Variants in POU2F3 observed in about 807,000 individuals in gnomAD.
POU2F3 encodes POU class 2 homeobox 3.
Under a neutral mutation model 59.2 loss-of-function variants are expected in POU2F3, and 23 were observed. The observed-to-expected ratio is 0.39, with a 90% CI of 0.28 to 0.55. The LOEUF (loss-of-function observed/expected upper bound fraction) is 0.55. POU2F3 is among the 20% of genes least tolerant of loss of function. The probability of loss-of-function intolerance (pLI) is 0.66; values close to 1 mark genes in which losing one functional copy is unlikely to be tolerated. For missense variants in POU2F3, 473 were observed against 544.5 expected, an observed-to-expected ratio of 0.87 and a Z score of 1.31; for synonymous variants, 190 against 214.6, an observed-to-expected ratio of 0.89 and a Z score of 1.00.
In POU2F3 at chr11:120,315,352, G is replaced by T. The variant is rs772284780; in HGVS notation, c.1069-9G>T. 6.2e-7 allele frequency: 1 copy of T among 1,610,104 alleles called. No homozygotes were observed. Among genetic ancestry groups the T allele is most frequent in the South Asian group, 1.1e-5 (1 of 90,968 alleles). ...AAATGGACATTTACAAGCTTCTGTT[G>T]TTTTTCAGGTATCTCCCTCAGGGTC... On this transcript the variant is annotated splice_polypyrimidine_tract_variant and intron_variant, in intron 10 of 12. Coordinates refer to ENST00000543440, the MANE Select transcript of POU2F3 (RefSeq NM_014352.4).
chr11:120,269,135 T>C, intron 2 of POU2F3, 75 bp from the exon 3 acceptor site: 2 of 1,209,662 alleles, frequency 1.7e-6, no homozygotes, highest in Non-Finnish European at 2.4e-6. Flanking sequence ...CCTCTCAACA[T>C]CCTAGTTTTT....
intron 3 of POU2F3, 26 bp downstream of exon 3, chr11:120,269,270 G>T: frequency 6.4e-7 from 1 of 1,557,424 alleles, no homozygotes; most frequent in South Asian, 1.1e-5. Flanking sequence ...AGAAAGAAAC[G>T]TTTATTCTAT....
chr11:120,318,016 G>C (rs1941832432), intron 12 of POU2F3, among the ~76,000 whole-genome samples: 1 of 152,188 alleles, frequency 6.6e-6, no homozygotes, highest in Non-Finnish European at 1.5e-5. Flanking sequence ...AAGGCAGCCA[G>C]TTCTTATTGG....
At chr11:120,254,803 C>G (rs2135151658) in intron 2 of POU2F3, 1 of 152,238 alleles carries the variant, frequency 6.6e-6, no homozygotes. Context: ...CTTCAGACAC[C>G]AAGAGTTCAA....
chr11:120,248,495 G>T (rs1938960804), intron 2 of POU2F3, among the ~76,000 whole-genome samples: 1 of 152,206 alleles, frequency 6.6e-6, no homozygotes, highest in Non-Finnish European at 1.5e-5. Context: ...GGAATATACA[G>T]ATGGGCATCG....
chr11:120,245,233 C>A (rs559905724), intron 1 of POU2F3, among the ~76,000 whole-genome samples: 6 of 152,204 alleles, frequency 3.9e-5, no homozygotes, highest in African/African-American at 1.4e-4. Flanking sequence ...TCGGCCGGAG[C>A]CACACACGTT....
chr11:120,294,135 T>A (rs188928168), intron 3 of POU2F3, among the ~76,000 whole-genome samples: 34 of 152,302 alleles, frequency 2.2e-4, no homozygotes, highest in Admixed American at 4.6e-4. Flanking sequence ...CTGAAGTAAG[T>A]GATGTCAGAG....
intron 1 of POU2F3, among the ~76,000 whole-genome samples, chr11:120,243,324 C>T (rs1938745955): frequency 6.6e-6 from 1 of 152,126 alleles, no homozygotes; most frequent in Non-Finnish European, 1.5e-5. Context: ...CCCAGAGTAG[C>T]CTGGTCCCAG....
intron 11 of POU2F3, 107 bp from the exon 12 acceptor site, chr11:120,317,122 T>A: frequency 1.5e-6 from 2 of 1,358,364 alleles, no homozygotes; most frequent in East Asian, 2.3e-5. Context: ...GAGGGTGAGG[T>A]CCCTTTGGGG....
chr11:120,236,706 G>A (rs539846719), upstream of POU2F3: 64 of 1,490,410 alleles, frequency 4.3e-5, no homozygotes, highest in East Asian at 1.1e-3. Context: ...AAGGAGGAAG[G>A]GGTAAAGGAG....
chr11:120,317,423 C>T, intron 12 of POU2F3, 59 bp downstream of exon 12: 1 of 1,597,338 alleles, frequency 6.3e-7, no homozygotes. Flanking sequence ...ATGTGAGAAG[C>T]TGAGCCTATG....
intron 12 of POU2F3, 34 bp downstream of exon 12, chr11:120,317,398 G>C: frequency 6.2e-7 from 1 of 1,612,538 alleles, no homozygotes; most frequent in Non-Finnish European, 8.5e-7. Flanking sequence ...AGACATCCCA[G>C]CAGGGCCAAG....
At chr11:120,317,452 G>T in intron 12 of POU2F3, 88 bp downstream of exon 12, 1 of 1,546,200 alleles carries the variant, frequency 6.5e-7, no homozygotes, top group Non-Finnish European at 8.9e-7. Flanking sequence ...AAGAAAGCTT[G>T]TCATAGAAAG....
chr11:120,264,234 A>AC (rs1355225080), intron 2 of POU2F3, among the ~76,000 whole-genome samples: 1 of 115,106 alleles, frequency 8.7e-6, no homozygotes, highest in Non-Finnish European at 1.9e-5. Flanking sequence ...CACACACACA[A>AC]TTAGCTGAGC....
intron 10 of POU2F3, among the ~76,000 whole-genome samples, chr11:120,314,155 C>T (rs1015528573): frequency 1.3e-5 from 2 of 152,204 alleles, no homozygotes; most frequent in African/African-American, 4.8e-5. Flanking sequence ...CCTTCACAGG[C>T]CCCCAGCCTA....
At chr11:120,270,056 G>A (rs1341553272) in intron 3 of POU2F3, among the ~76,000 whole-genome samples, 2 of 151,952 alleles carry the variant, frequency 1.3e-5, no homozygotes, top group Non-Finnish European at 2.9e-5. Context: ...GAGGGAGAGG[G>A]GTAAGAATTA....
intron 1 of POU2F3, among the ~76,000 whole-genome samples, chr11:120,245,993 T>G (rs1478987110): frequency 6.6e-6 from 1 of 152,128 alleles, no homozygotes; most frequent in Non-Finnish European, 1.5e-5. Context: ...CACTCTTACC[T>G]TCCAGGATGG....
intron 3 of POU2F3, among the ~76,000 whole-genome samples, chr11:120,273,004 T>C (rs1480116255): frequency 6.6e-6 from 1 of 152,272 alleles, no homozygotes; most frequent in Non-Finnish European, 1.5e-5. Context: ...ACTTATCTCT[T>C]GCCATAATTT....
In POU2F3 at chr11:120,318,678, A is replaced by G. The variant is rs1170544364; in HGVS notation, c.*286A>G. ...CTTGCCTTCTAGTTCCAAATATTTT[A>G]GCCAGCTTCACTGTGGCAATAGTCT... On this transcript the variant is annotated 3_prime_UTR_variant, in exon 13 of 13. Coordinates refer to ENST00000543440, the MANE Select transcript of POU2F3 (RefSeq NM_014352.4). 4 of 349,922 alleles carry G rather than the reference A, an allele frequency of 1.1e-5. No individual in the cohort carries two copies. The highest frequency in any genetic ancestry group is 4.7e-5 in the Admixed American group (1 of 21,112). The allele number at this position is 349,922 out of a possible 1,614,324, so 21.7% of individuals were successfully genotyped here. A position where few individuals can be genotyped will look rare whatever the true frequency, so the allele number is the denominator to read the frequency against.
Sources: gnomAD v4.1 joint callset for allele counts (sites outside exome capture counted in the v4.1 genomes callset) on GRCh38, gnomAD v4.1.1 for gene constraint, MANE v1.5 for transcripts, NCBI Gene and HGNC (gene_info 2026-07-23, HGNC 2026-07-21) for gene names.